PRKCB: variants seen among roughly 807,000 people sequenced by gnomAD.
The protein encoded by PRKCB is protein kinase C beta type.
A neutral mutation model predicts 81.5 loss-of-function variants in PRKCB; 13 were observed. The ratio of observed to expected loss-of-function variants is 0.16; its 90% CI spans 0.10 to 0.25. The LOEUF (loss-of-function observed/expected upper bound fraction) is 0.25. PRKCB is among the 10% of genes least tolerant of loss of function. The pLI, the probability that PRKCB is intolerant of heterozygous loss-of-function variation, is 1.00. For missense variants in PRKCB, 509 were observed against 875.7 expected, an observed-to-expected ratio of 0.58 and a Z score of 5.29; for synonymous variants, 335 against 321.4, an observed-to-expected ratio of 1.04 and a Z score of -0.45.
At chr16:24,201,709 A>G (rs1967959626) in intron 16 of PRKCB, among the ~76,000 whole-genome samples, 1 of 152,208 alleles carries the variant, frequency 6.6e-6, no homozygotes, top group South Asian at 2.1e-4. Flanking sequence ...ACATTTTGAA[A>G]GAAGAGAAGG....
intron 2 of PRKCB, among the ~76,000 whole-genome samples, chr16:23,966,191 A>G (rs78625728): frequency 0.026 from 3,941 of 152,324 alleles, 151 homozygotes; most frequent in African/African-American, 0.089. Context: ...ACTGCTTCCA[A>G]CCATGAAGTC....
At chr16:24,193,936 T>C (rs1324206442) in intron 16 of PRKCB, among the ~76,000 whole-genome samples, 1 of 152,106 alleles carries the variant, frequency 6.6e-6, no homozygotes, top group Non-Finnish European at 1.5e-5. Flanking sequence ...GACCTGTGAG[T>C]TGATTGACAG....
chr16:24,186,543 G>A (rs564240359), intron 15 of PRKCB, among the ~76,000 whole-genome samples: 5 of 152,324 alleles, frequency 3.3e-5, no homozygotes, highest in African/African-American at 4.8e-5. Flanking sequence ...GAACATGGCC[G>A]TGCCTTAATC....
At chr16:24,035,301 G>A in intron 4 of PRKCB, 118 bp from the exon 5 acceptor site, 3 of 1,347,126 alleles carry the variant, frequency 2.2e-6, no homozygotes, top group Non-Finnish European at 3.0e-6. Flanking sequence ...AGGCTCGTGT[G>A]TCTCAGCTGT....
chr16:24,125,185 G>A (rs943095694), intron 9 of PRKCB, among the ~76,000 whole-genome samples: 3 of 151,066 alleles, frequency 2.0e-5, no homozygotes, highest in Non-Finnish European at 3.0e-5. Context: ...TTTCTACTTC[G>A]TAGCCGTAAT....
intron 9 of PRKCB, among the ~76,000 whole-genome samples, chr16:24,135,056 G>T (rs1966860354): frequency 6.7e-6 from 1 of 149,178 alleles, no homozygotes; most frequent in Non-Finnish European, 1.5e-5. Context: ...TTCCACCTAG[G>T]TTCACTTTTT....
At chr16:24,085,247 A>G (rs2141895469) in intron 5 of PRKCB, among the ~76,000 whole-genome samples, 1 of 152,290 alleles carries the variant, frequency 6.6e-6, no homozygotes, top group East Asian at 1.9e-4. Flanking sequence ...GAAACTCCAA[A>G]TGCCTGGACT....
intron 2 of PRKCB, among the ~76,000 whole-genome samples, chr16:23,956,979 T>TAAAAAAAAAAAAAAA (rs10714409): frequency 2.2e-5 from 1 of 45,954 alleles, no homozygotes; most frequent in African/African-American, 8.9e-5. Flanking sequence ...CTATAGGCAG[T>TAAAAAAAAAAAAAAA]AAAAAAAAAA....
chr16:24,201,751 C>A (rs1264316021), intron 16 of PRKCB, among the ~76,000 whole-genome samples: 2 of 152,174 alleles, frequency 1.3e-5, no homozygotes, highest in Admixed American at 1.3e-4. Context: ...AAGCCACTGT[C>A]ATGGCCGGGT....
At position 23,865,666 on chromosome 16, in the gene PRKCB, T is replaced by C. The variant is rs574221196; in HGVS notation, c.205+28260T>C. 3.3e-5 allele frequency among the ~76,000 whole-genome samples: 5 copies of C among 150,742 alleles called. No individual in the cohort carries two copies. The East Asian group carries it at 9.7e-4, about 29-fold the overall frequency. ...GCAGGCTGAAATTGAGATTTCCTAA[T>C]GTAAGAAACAGAGCCCCAAGGGGCT... On this transcript the variant is annotated intron_variant, in intron 2 of 16. Transcript: ENST00000643927.
chr16:23,864,313 C>T (rs535250059), intron 2 of PRKCB, among the ~76,000 whole-genome samples: 40 of 152,206 alleles, frequency 2.6e-4, no homozygotes, highest in African/African-American at 8.7e-4. Context: ...TATTTATTGC[C>T]GGGCACAGTG....
At position 24,096,705 on chromosome 16, in the gene PRKCB, A is replaced by C. The variant is rs1245184931; in HGVS notation, c.821+2408A>C. 2.9e-5 allele frequency among the ~76,000 whole-genome samples: 4 copies of C among 138,398 alleles called. No individual in the cohort carries two copies. In the East Asian group the frequency reaches 6.4e-4, roughly 22 times the overall value. 90.8% of individuals were successfully genotyped at this position (138,398 alleles called of 152,430 possible). ...TATATATATATATATATATATATAT[A>C]TCCTCCAATGTTACCAACAGAGAGG... On this transcript the variant is annotated intron_variant, in intron 7 of 16. Coordinates refer to ENST00000643927, the MANE Select transcript of PRKCB (RefSeq NM_002738.7).
intron 5 of PRKCB, among the ~76,000 whole-genome samples, chr16:24,078,525 A>AC (rs1204109713): frequency 6.6e-6 from 1 of 152,214 alleles, no homozygotes; most frequent in African/African-American, 2.4e-5. Flanking sequence ...ACAGATGTTT[A>AC]TGGGGGGCAG....
chr16:24,141,339 C>A (rs1201501602), intron 9 of PRKCB, among the ~76,000 whole-genome samples: 2 of 152,236 alleles, frequency 1.3e-5, no homozygotes, highest in African/African-American at 4.8e-5. Flanking sequence ...GGATTGCAAG[C>A]ATGCACCACC....
intron 10 of PRKCB, among the ~76,000 whole-genome samples, chr16:24,165,454 C>T (rs1967327659): frequency 6.6e-6 from 1 of 152,190 alleles, no homozygotes; most frequent in African/African-American, 2.4e-5. Flanking sequence ...CCTTTTAATG[C>T]CTGCCTAATG....
At chr16:24,130,033 A>T (rs1031688324) in intron 9 of PRKCB, among the ~76,000 whole-genome samples, 1 of 152,204 alleles carries the variant, frequency 6.6e-6, no homozygotes, top group African/African-American at 2.4e-5. Flanking sequence ...ACGCTTTTTT[A>T]ATGCATTTCA....
intron 5 of PRKCB, among the ~76,000 whole-genome samples, chr16:24,081,057 C>A (rs1344351712): frequency 6.6e-6 from 1 of 152,072 alleles, no homozygotes; most frequent in East Asian, 1.9e-4. Flanking sequence ...TTTTGCAGAA[C>A]AAATGTTTTT....
At chr16:23,909,101 C>T (rs977898141) in intron 2 of PRKCB, among the ~76,000 whole-genome samples, 1 of 152,224 alleles carries the variant, frequency 6.6e-6, no homozygotes, top group Admixed American at 6.5e-5. Context: ...GTACTGCAAA[C>T]CTGATATCAC....
chr16:24,120,501 C>T (rs1466166316), intron 8 of PRKCB, among the ~76,000 whole-genome samples: 1 of 152,026 alleles, frequency 6.6e-6, no homozygotes, highest in Non-Finnish European at 1.5e-5. Flanking sequence ...TGAAATCACA[C>T]CGGTCATCTC....
Sources: allele counts gnomAD v4.1 joint callset (sites outside exome capture counted in the v4.1 genomes callset), GRCh38; gene constraint gnomAD v4.1.1; transcripts MANE v1.5; gene names NCBI Gene and HGNC (gene_info 2026-07-23, HGNC 2026-07-21).